The following BCL11B variants were observed in gnomAD, a reference collection of about 807,000 sequenced individuals.
BCL11B encodes the protein B-cell lymphoma/leukemia 11B.
In BCL11B, 8 loss-of-function variants were observed where a neutral mutation model predicts 49.9. The observed-to-expected ratio is 0.16, with a 90% CI of 0.09 to 0.29. The LOEUF is 0.29. BCL11B is among the 10% of genes least tolerant of loss of function. The probability of loss-of-function intolerance (pLI) is 1.00; values close to 1 mark genes in which losing one functional copy is unlikely to be tolerated. For missense variants in BCL11B, 1,006 were observed against 1,351.0 expected (o/e 0.74, Z 4.00); for synonymous variants, 739 against 637.4 (o/e 1.16, Z -2.40).
chr14:99,214,416 G>A (rs1308721302), intron 3 of BCL11B, among the ~76,000 whole-genome samples: 2 of 151,828 alleles, frequency 1.3e-5, no homozygotes, highest in Non-Finnish European at 2.9e-5. Flanking sequence ...AAATTAGCTG[G>A]GCATGGTGGT....
At position 99,170,120 on chromosome 14, in the gene BCL11B, G is replaced by C. The variant is rs1016028799; in HGVS notation, c.*4031C>G. ...GTAAGCTGGTGAGCACTGGCTAGCT[G>C]TTATGACTACAGGAAGACCACCCTG... On this transcript the variant is annotated 3_prime_UTR_variant, in exon 4 of 4. Transcript: ENST00000357195. 1 of 227,016 alleles carries C rather than the reference G, an allele frequency of 4.4e-6. No homozygotes were observed. The highest frequency in any genetic ancestry group is 5.7e-5 in the Admixed American group (1 of 17,544). The allele number at this position is 227,016 out of a possible 1,614,324, so 14.1% of individuals were successfully genotyped here. A position where few individuals can be genotyped will look rare whatever the true frequency, so the allele number is the denominator to read the frequency against.
At chr14:99,251,706 C>T (rs1290437706) in intron 2 of BCL11B, among the ~76,000 whole-genome samples, 1 of 152,152 alleles carries the variant, frequency 6.6e-6, no homozygotes, top group Non-Finnish European at 1.5e-5. Context: ...AGACTGAAGG[C>T]CATGGTCCCT....
At chr14:99,188,103 G>A (rs1279111331) in intron 3 of BCL11B, among the ~76,000 whole-genome samples, 1 of 152,166 alleles carries the variant, frequency 6.6e-6, no homozygotes, top group African/African-American at 2.4e-5. Flanking sequence ...CCGGTCTGCG[G>A]GGATTGATAA....
chr14:99,231,632 T>A lies in BCL11B; in HGVS notation c.428-75A>T. ...TGAGGGGCACGGGGTGGGACGGGGC[T>A]CGGGGCGTGGGGCTCTGCTCAGGCC... On this transcript the variant is annotated intron_variant, in intron 2 of 3. Transcript: ENST00000357195. This position sits in a 1 kb window ranked among gnomAD's most constrained non-coding sequence, Gnocchi z 8.1. 3.2e-6 allele frequency: 4 copies of A among 1,231,572 alleles called. No homozygotes were observed. The highest frequency in any genetic ancestry group is 4.6e-6 in the Non-Finnish European group (4 of 876,196). 76.3% of individuals were successfully genotyped at this position (1,231,572 alleles called of 1,614,324 possible). A position where few individuals can be genotyped will look rare whatever the true frequency, so the allele number is the denominator to read the frequency against.
At chr14:99,256,570 C>A (rs1454048746) in intron 2 of BCL11B, among the ~76,000 whole-genome samples, 1 of 152,174 alleles carries the variant, frequency 6.6e-6, no homozygotes, top group Non-Finnish European at 1.5e-5. Flanking sequence ...GCCTCCTGGG[C>A]TCAGAAGTAT....
intron 3 of BCL11B, among the ~76,000 whole-genome samples, chr14:99,222,731 C>G (rs1876881): frequency 0.056 from 8,560 of 152,222 alleles, 747 homozygotes; most frequent in East Asian, 0.35. Flanking sequence ...TGTCACTGCC[C>G]ACAGTGACTG....
chr14:99,236,027 A>G (rs954191846), intron 2 of BCL11B, among the ~76,000 whole-genome samples: 9 of 152,104 alleles, frequency 5.9e-5, no homozygotes, highest in African/African-American at 9.7e-5. Context: ...GAGGAGGGGG[A>G]AAAATATGAA....
rs538567522 is a variant in BCL11B, at chr14:99,259,851, C to A, written c.59-2012G>T. 9.2e-5 allele frequency among the ~76,000 whole-genome samples: 14 copies of A among 152,306 alleles called. No individual in the cohort carries two copies. The East Asian group carries it at 2.7e-3, about 29-fold the overall frequency. On this transcript the variant is annotated intron_variant, in intron 1 of 3. Transcript: ENST00000357195. ...TTAAAATGTAATCACAACCTTCCCA[C>A]CGAACAGAGGTTCTAGGGAAGACTG...
Position 99,232,215 on chromosome 14 carries a change from C to T in BCL11B, c.428-658G>A, listed in dbSNP as rs748542561. ...CTACCACACCCCAAGAAAACCCTGGCGCTGCTCACCCCCTCCTAACGTCTC... is the reference window on the plus strand; with the variant it reads ...CTACCACACCCCAAGAAAACCCTGGTGCTGCTCACCCCCTCCTAACGTCTC... On this transcript the variant is annotated intron_variant, in intron 2 of 3. Coordinates refer to ENST00000357195, the MANE Select transcript of BCL11B (RefSeq NM_138576.4). The surrounding 1 kb of genome is among the most constrained non-coding windows in gnomAD (Gnocchi z 5.1). Among the ~76,000 whole-genome samples the T allele has an allele frequency of 6.6e-6, 1 of 152,096 alleles. No homozygotes were observed. Among genetic ancestry groups the T allele is most frequent in the East Asian group, 1.9e-4 (1 of 5,150 alleles).
chr14:99,187,883 C>T (rs555966581), intron 3 of BCL11B, among the ~76,000 whole-genome samples: 1 of 152,226 alleles, frequency 6.6e-6, no homozygotes, highest in East Asian at 1.9e-4. Flanking sequence ...CACAAAAAAT[C>T]TCGACATTCC....
At chr14:99,178,195 C>T (rs1238562986) in intron 3 of BCL11B, among the ~76,000 whole-genome samples, 1 of 152,184 alleles carries the variant, frequency 6.6e-6, no homozygotes, top group Non-Finnish European at 1.5e-5. Flanking sequence ...GGGATTCTTT[C>T]CCTCTCCTCT....
At chr14:99,190,362 G>A (rs1307323261) in intron 3 of BCL11B, among the ~76,000 whole-genome samples, 1 of 152,202 alleles carries the variant, frequency 6.6e-6, no homozygotes, top group Non-Finnish European at 1.5e-5. Flanking sequence ...GGTGGCATGC[G>A]CCTGTAGTCC....
Position 99,174,528 on chromosome 14 carries a change from T to A in BCL11B, c.2308A>T (p.Thr770Ser). 1.3e-6 allele frequency: 2 copies of A among 1,519,552 alleles called. No individual in the cohort carries two copies. Among genetic ancestry groups the A allele is most frequent in the Non-Finnish European group, 1.8e-6 (2 of 1,135,540 alleles). The allele number at this position is 1,519,552 out of a possible 1,614,324, so 94.1% of individuals were successfully genotyped here. Residue 770 changes from threonine to serine, a missense_variant, in exon 4 of 4, where the codon ACG becomes TCG. Transcript: ENST00000357195. ...LDGGLSGRSG[T>S]ASGGSTPHLG... ...TGCGGGGTGCTGCCTCCGCTGGCCG[T>A]GCCGCTGCGGCCCGAGAGGCCGCCG... is the stretch of plus-strand genomic sequence containing the variant.
chr14:99,265,919 C>G (rs992305043), intron 1 of BCL11B, among the ~76,000 whole-genome samples: 1 of 152,226 alleles, frequency 6.6e-6, no homozygotes, highest in Non-Finnish European at 1.5e-5. Context: ...GTGCAGTCTG[C>G]AGATTTCTTC....
intron 3 of BCL11B, among the ~76,000 whole-genome samples, chr14:99,179,760 A>G (rs1886647077): frequency 6.6e-6 from 1 of 152,166 alleles, no homozygotes; most frequent in African/African-American, 2.4e-5. Flanking sequence ...CCCAGCCCTC[A>G]GAGGCCCGCC....
Position 99,257,587 on chromosome 14 carries a change from G to C in BCL11B, c.311C>G (p.Ser104Cys). Reference protein sequence around the residue: ...DKDSPPPSSRSELRKVSEPVE... With the variant: ...DKDSPPPSSRCELRKVSEPVE... ...CGGCTCGGACACTTTCCTGAGCTCGGAGCGTGAGGAGGGTGGCGGGCTGTC... is the reference window on the plus strand; with the variant it reads ...CGGCTCGGACACTTTCCTGAGCTCGCAGCGTGAGGAGGGTGGCGGGCTGTC... Residue 104 changes from serine to cysteine, a missense_variant, in exon 2 of 4, where the codon TCC becomes TGC. Physicochemically the swap from Ser to Cys is moderately radical, Grantham distance 112 (BLOSUM62 -1). Around this residue, in one of 6 missense-constraint regions of BCL11B, gnomAD observed 411 missense variants for 542.2 expected, o/e 0.76. Transcript: ENST00000357195. This position sits in a 1 kb window ranked among gnomAD's most constrained non-coding sequence, Gnocchi z 6.2. 1 of 1,614,142 alleles carries C rather than the reference G, an allele frequency of 6.2e-7. No individual in the cohort carries two copies. The highest frequency in any genetic ancestry group is 8.5e-7 in the Non-Finnish European group (1 of 1,180,006).
At chr14:99,239,353 G>A (rs2139911026) in intron 2 of BCL11B, among the ~76,000 whole-genome samples, 1 of 152,300 alleles carries the variant, frequency 6.6e-6, no homozygotes, top group South Asian at 2.1e-4. Flanking sequence ...AGTGAAGGCA[G>A]GCTGCAAACC....
At chr14:99,237,621 C>T (rs76927979) in intron 2 of BCL11B, among the ~76,000 whole-genome samples, 7 of 152,188 alleles carry the variant, frequency 4.6e-5, no homozygotes, top group Admixed American at 2.0e-4. Context: ...CTTGTTGCCA[C>T]GGGTTTTGGC....
intron 3 of BCL11B, among the ~76,000 whole-genome samples, chr14:99,183,240 A>G (rs1033617869): frequency 2.0e-5 from 3 of 152,180 alleles, no homozygotes; most frequent in African/African-American, 7.2e-5. Context: ...ACCTAACTCT[A>G]CACGCAGTGA....
Sources: allele counts gnomAD v4.1 joint callset (sites outside exome capture counted in the v4.1 genomes callset), GRCh38; gene constraint gnomAD v4.1.1; regional missense constraint gnomAD v4.1.1; non-coding constraint Gnocchi (gnomAD v3.1); transcripts MANE v1.5; gene names NCBI Gene and HGNC (gene_info 2026-07-23, HGNC 2026-07-21).